RBFOX1: variants seen among roughly 807,000 people sequenced by gnomAD.
The protein encoded by RBFOX1 is RNA binding fox-1 homolog 1.
In RBFOX1, 8 loss-of-function variants were observed where a neutral mutation model predicts 57.7. That is an observed-to-expected ratio of 0.14 (90% confidence interval 0.08 to 0.25). RBFOX1 has a LOEUF of 0.25. Among genes scored for constraint, RBFOX1 ranks in the 10% least tolerant of loss-of-function variants. The pLI is 1.00. For synonymous variants in RBFOX1, 326 were observed against 222.4 expected, an observed-to-expected ratio of 1.47 and a Z score of -4.15; for missense variants, 611 against 548.5, an observed-to-expected ratio of 1.11 and a Z score of -1.14.
intron 1 of RBFOX1, among the ~76,000 whole-genome samples, chr16:6,143,959 C>CACATATATATATATATATATA (rs71404590): frequency 7.1e-6 from 1 of 139,962 alleles, no homozygotes; most frequent in African/African-American, 2.8e-5. Flanking sequence ...CCATACTCAG[C>CACATATATATATATATATATA]TATATATATA....
At chr16:5,490,139 A>G (rs554358713) in intron 2 of RBFOX1, among the ~76,000 whole-genome samples, 2 of 151,982 alleles carry the variant, frequency 1.3e-5, no homozygotes, top group Admixed American at 1.3e-4. Flanking sequence ...GGTGACTTTT[A>G]TTTTCCCCTT....
chr16:5,856,261 GTATA>G (rs34182050), intron 3 of RBFOX1, among the ~76,000 whole-genome samples: 2 of 66,740 alleles, frequency 3.0e-5, no homozygotes, highest in African/African-American at 1.3e-4. Flanking sequence ...GTATATATAT[GTATA>G]TATATATACA....
At chr16:7,602,569 C>T (rs953170601) in intron 9 of RBFOX1, among the ~76,000 whole-genome samples, 4 of 152,174 alleles carry the variant, frequency 2.6e-5, no homozygotes, top group Admixed American at 2.6e-4. Flanking sequence ...AGTGCAGGCT[C>T]TTATCTCCAG....
chr16:6,971,526 G>GTGTA (rs1329563927), intron 3 of RBFOX1, among the ~76,000 whole-genome samples: 1 of 151,916 alleles, frequency 6.6e-6, no homozygotes, highest in Non-Finnish European at 1.5e-5. Flanking sequence ...GTGTGTGTGT[G>GTGTA]TACCACTGGA....
intron 3 of RBFOX1, among the ~76,000 whole-genome samples, chr16:6,885,964 C>T (rs1016050366): frequency 6.6e-6 from 1 of 152,068 alleles, no homozygotes; most frequent in Non-Finnish European, 1.5e-5. Context: ...TGTTTGCTGT[C>T]AAGAATCACA....
At chr16:6,841,824 A>C (rs1272817997) in intron 3 of RBFOX1, among the ~76,000 whole-genome samples, 1 of 152,106 alleles carries the variant, frequency 6.6e-6, no homozygotes, top group East Asian at 1.9e-4. Flanking sequence ...AATGTTCTTC[A>C]GGTAGAATTT....
chr16:6,343,295 C>T lies in RBFOX1; in HGVS notation c.-64+26238C>T, dbSNP rs186692044. On this transcript the variant is annotated intron_variant, in intron 2 of 15. Transcript: ENST00000550418. ...TAGGTAATCTGTGTCTTCCCCTACC[C>T]TGGTGGTATTTCATTATCATTTAAA... Among the ~76,000 whole-genome samples the T allele has an allele frequency of 7.9e-5, 12 of 152,300 alleles. No individual in the cohort carries two copies. The East Asian group carries it at 2.3e-3, about 29-fold the overall frequency.
At chr16:5,378,819 C>A (rs756837060) in intron 1 of RBFOX1, among the ~76,000 whole-genome samples, 5 of 151,584 alleles carry the variant, frequency 3.3e-5, no homozygotes, top group Non-Finnish European at 5.9e-5. Context: ...GCTGGGCATA[C>A]AGTAGGTGCT....
chr16:5,689,008 A>G (rs1359243332), intron 3 of RBFOX1, among the ~76,000 whole-genome samples: 1 of 152,236 alleles, frequency 6.6e-6, no homozygotes, highest in Non-Finnish European at 1.5e-5. Context: ...TTGGTTAAAA[A>G]AAGAAACAAA....
intron 3 of RBFOX1, among the ~76,000 whole-genome samples, chr16:5,738,847 C>G (rs1484597193): frequency 6.6e-6 from 1 of 152,084 alleles, no homozygotes; most frequent in East Asian, 1.9e-4. Flanking sequence ...GCTAGCTCAT[C>G]TAAACCTTAG....
At chr16:6,536,367 A>G (rs2096735603) in intron 2 of RBFOX1, among the ~76,000 whole-genome samples, 1 of 152,202 alleles carries the variant, frequency 6.6e-6, no homozygotes. Flanking sequence ...GAGTAGATTC[A>G]ATTGACTCCA....
At chr16:5,258,613 T>A (rs1441575191) in intron 1 of RBFOX1, among the ~76,000 whole-genome samples, 1 of 152,180 alleles carries the variant, frequency 6.6e-6, no homozygotes, top group Non-Finnish European at 1.5e-5. Context: ...TGTGGTCCAT[T>A]GTGGCTTTAC....
chr16:5,526,894 C>A (rs1872682), intron 2 of RBFOX1, among the ~76,000 whole-genome samples: 2 of 152,108 alleles, frequency 1.3e-5, no homozygotes, highest in East Asian at 1.9e-4. Context: ...TTTGTGTGAC[C>A]TTGGGCACAT....
chr16:6,534,197 T>A (rs2096704024), intron 2 of RBFOX1, among the ~76,000 whole-genome samples: 1 of 152,084 alleles, frequency 6.6e-6, no homozygotes, highest in Non-Finnish European at 1.5e-5. Flanking sequence ...GTATAGTCAC[T>A]CAATGAAATG....
intron 5 of RBFOX1, among the ~76,000 whole-genome samples, chr16:7,575,122 G>T (rs1213023302): frequency 6.6e-6 from 1 of 151,992 alleles, no homozygotes; most frequent in East Asian, 1.9e-4. Context: ...CTGGATTTAG[G>T]ATGGGCTCAA....
At chr16:5,951,489 G>A (rs948474324) in intron 4 of RBFOX1, among the ~76,000 whole-genome samples, 4 of 151,928 alleles carry the variant, frequency 2.6e-5, no homozygotes, top group African/African-American at 9.7e-5. Flanking sequence ...GTATATATAT[G>A]TGTGTGTATA....
intron 1 of RBFOX1, among the ~76,000 whole-genome samples, chr16:6,235,604 TGGG>T (rs751570499): frequency 8.1e-5 from 12 of 148,344 alleles, no homozygotes; most frequent in Non-Finnish European, 1.6e-4. Flanking sequence ...GTATACATGA[TGGG>T]ATATTTATAC....
chr16:6,061,684 A>G (rs1342843889), intron 1 of RBFOX1, among the ~76,000 whole-genome samples: 2 of 152,162 alleles, frequency 1.3e-5, no homozygotes, highest in Admixed American at 6.5e-5. Flanking sequence ...ATCTATGTAC[A>G]TAGATTTAAG....
rs187126411 is a variant in RBFOX1 at position 6,873,236 on chromosome 16, G to A, written c.-15-178821G>A. Among the ~76,000 whole-genome samples, 97 of 151,874 alleles carry A rather than the reference G, an allele frequency of 6.4e-4. No individual in the cohort carries two copies. The East Asian group carries it at 0.018, about 28-fold the overall frequency. On this transcript the variant is annotated intron_variant, in intron 3 of 15. Coordinates refer to ENST00000550418, the MANE Select transcript of RBFOX1 (RefSeq NM_018723.4). ...TCCTTTTTCATTTATGTAAATAAACGTATGAAATGGATTTTTAATTTATAC... is the reference window on the plus strand; with the variant it reads ...TCCTTTTTCATTTATGTAAATAAACATATGAAATGGATTTTTAATTTATAC...
Sources: allele counts gnomAD v4.1 joint callset (sites outside exome capture counted in the v4.1 genomes callset), GRCh38; gene constraint gnomAD v4.1.1; transcripts MANE v1.5; gene names NCBI Gene and HGNC (gene_info 2026-07-23, HGNC 2026-07-21).